RAB3C: variants seen among roughly 807,000 people sequenced by gnomAD.
RAB3C encodes the protein ras-related protein Rab-3C.
RAB3C carries 17 observed loss-of-function variants against 26.4 expected under a neutral mutation model. That is an observed-to-expected ratio of 0.64 (90% CI 0.44 to 0.97). The LOEUF (loss-of-function observed/expected upper bound fraction) is 0.97, where lower values mean the gene tolerates loss of function less well. RAB3C is among the 50% of genes least tolerant of loss of function. The probability of loss-of-function intolerance (pLI) is 0.00; values close to 1 mark genes in which losing one functional copy is unlikely to be tolerated. For missense variants in RAB3C, 242 were observed against 281.9 expected (o/e 0.86, Z 1.01); for synonymous variants, 91 against 95.9 (o/e 0.95, Z 0.30).
At chr5:58,825,450 G>A (rs889157274) in intron 4 of RAB3C, among the ~76,000 whole-genome samples, 2 of 152,096 alleles carry the variant, frequency 1.3e-5, no homozygotes, top group African/African-American at 4.8e-5. Context: ...TGCCTTGTCC[G>A]TTATTTTTGG....
rs538505460 is a variant in RAB3C, at chr5:58,695,644, T to G, written c.253-30358T>G. 2.0e-4 allele frequency among the ~76,000 whole-genome samples: 31 copies of G among 152,350 alleles called. No individual in the cohort carries two copies. The South Asian group carries it at 6.4e-3, about 32-fold the overall frequency. On this transcript the variant is annotated intron_variant, in intron 2 of 4. Coordinates refer to ENST00000282878, the MANE Select transcript of RAB3C (RefSeq NM_138453.4). ...TCCTTGAAGAGGTCCTTCACATCCC[T>G]TGTAAGTTGGATTCCTAGGTATTTT... is the stretch of plus-strand genomic sequence containing the variant.
chr5:58,812,699 A>G (rs570129675), intron 3 of RAB3C, among the ~76,000 whole-genome samples: 33 of 152,202 alleles, frequency 2.2e-4, no homozygotes, highest in Non-Finnish European at 4.1e-4. Flanking sequence ...TCTAATTAAA[A>G]GTTTCAAAAC....
chr5:58,642,979 G>A (rs1269405931), intron 2 of RAB3C, among the ~76,000 whole-genome samples: 1 of 152,186 alleles, frequency 6.6e-6, no homozygotes, highest in Non-Finnish European at 1.5e-5. Context: ...GAATTGAAAG[G>A]TAGAAAATCA....
At chr5:58,846,385 A>G (rs1281849910) in intron 4 of RAB3C, among the ~76,000 whole-genome samples, 1 of 152,026 alleles carries the variant, frequency 6.6e-6, no homozygotes, top group Non-Finnish European at 1.5e-5. Flanking sequence ...TGGAGTTCAG[A>G]AACTTTTAAG....
At chr5:58,664,843 C>T (rs1747972603) in intron 2 of RAB3C, among the ~76,000 whole-genome samples, 1 of 151,998 alleles carries the variant, frequency 6.6e-6, no homozygotes. Flanking sequence ...TCCTGACGTC[C>T]CTTCCCAGCT....
chr5:58,678,989 T>A (rs1175072276), intron 2 of RAB3C, among the ~76,000 whole-genome samples: 1 of 152,214 alleles, frequency 6.6e-6, no homozygotes, highest in East Asian at 1.9e-4. Context: ...GGCTAATATA[T>A]GTTTCCTGAG....
chr5:58,745,405 AAAAAAAAAAAAAAAG>A (rs1741380300), intron 3 of RAB3C, among the ~76,000 whole-genome samples: 1 of 150,526 alleles, frequency 6.6e-6, no homozygotes, highest in African/African-American at 2.4e-5. Flanking sequence ...AAAAAAAAAA[AAAAAAAAAAAAAAAG>A]AAAGTAGATG....
chr5:58,600,700 C>T (rs1385584465), intron 1 of RAB3C, among the ~76,000 whole-genome samples: 1 of 152,144 alleles, frequency 6.6e-6, no homozygotes, highest in Admixed American at 6.6e-5. Context: ...AATCTTTTAT[C>T]TGGAAACTTT....
At chr5:58,646,174 T>A (rs1444492343) in intron 2 of RAB3C, among the ~76,000 whole-genome samples, 1 of 152,114 alleles carries the variant, frequency 6.6e-6, no homozygotes, top group Admixed American at 6.5e-5. Context: ...CCCATCCTCA[T>A]CCCAAGGCTG....
At chr5:58,785,547 T>C (rs1579917272) in intron 3 of RAB3C, among the ~76,000 whole-genome samples, 1 of 152,316 alleles carries the variant, frequency 6.6e-6, no homozygotes, top group Non-Finnish European at 1.5e-5. Flanking sequence ...AAGATGCTGA[T>C]TCAGTAGGTA....
rs146302479 is a variant in RAB3C, at chr5:58,625,903, C to T, written c.252+8033C>T. Among the ~76,000 whole-genome samples, 1,031 of 151,240 alleles carry T rather than the reference C, an allele frequency of 6.8e-3. 3 individuals carry two copies. The highest frequency in any genetic ancestry group is 0.022 in the African/African-American group (917 of 41,188). On this transcript the variant is annotated intron_variant, in intron 2 of 4. Transcript: ENST00000282878. ...ATACCATAGTTTTGGTAACAGAGAA[C>T]GGCAGTTCTGTGTAACTGAAATTTC...
intron 2 of RAB3C, among the ~76,000 whole-genome samples, chr5:58,627,730 A>G (rs930509505): frequency 1.3e-5 from 2 of 152,242 alleles, no homozygotes; most frequent in African/African-American, 4.8e-5. Context: ...CAGCGAGATA[A>G]GAGATAGCAA....
chr5:58,678,061 T>A (rs1226648798), intron 2 of RAB3C, among the ~76,000 whole-genome samples: 1 of 151,096 alleles, frequency 6.6e-6, no homozygotes, highest in Non-Finnish European at 1.5e-5. Flanking sequence ...AGGAAAATAA[T>A]CCTAGGAACA....
Position 58,603,700 on chromosome 5 carries a change from C to T in RAB3C, c.25-13943C>T, listed in dbSNP as rs189496385. The stretch of plus-strand genomic sequence containing the variant: ...TAAGCTATTTCCTTGAATATTTCTC[C>T]CTTCACTTCTTGTATCATTTTTTGG... On this transcript the variant is annotated intron_variant, in intron 1 of 4. Transcript: ENST00000282878. Among the ~76,000 whole-genome samples the T allele has an allele frequency of 3.7e-3, 560 of 152,120 alleles. 4 individuals are homozygous for T. Among genetic ancestry groups the T allele is most frequent in the African/African-American group, 0.013 (526 of 41,492 alleles).
At position 58,855,318 on chromosome 5, in the gene RAB3C, G is replaced by A. The variant is rs1180987520; in HGVS notation, c.*3967G>A. The A allele has an allele frequency of 6.6e-6, 1 of 152,210 alleles. No individual in the cohort carries two copies. Among genetic ancestry groups the A allele is most frequent in the East Asian group, 1.9e-4 (1 of 5,202 alleles). 9.4% of individuals were successfully genotyped at this position (152,210 alleles called of 1,614,324 possible). A position where few individuals can be genotyped will look rare whatever the true frequency, so the allele number is the denominator to read the frequency against. ...CTTCTAGACCAAAAAGTTACTGTGT[G>A]TTTGTTAATAATCTTCATAGTACTA... On this transcript the variant is annotated 3_prime_UTR_variant, in exon 5 of 5. Coordinates refer to ENST00000282878, the MANE Select transcript of RAB3C (RefSeq NM_138453.4).
intron 1 of RAB3C, among the ~76,000 whole-genome samples, chr5:58,584,839 G>T (rs561274924): frequency 0.11 from 267 of 2,354 alleles, 1 homozygote; most frequent in East Asian, 0.032. Flanking sequence ...TATCAATTTT[G>T]CTTTCTTACA....
chr5:58,590,748 T>C (rs1350717535), intron 1 of RAB3C, among the ~76,000 whole-genome samples: 2 of 152,158 alleles, frequency 1.3e-5, no homozygotes, highest in African/African-American at 2.4e-5. Flanking sequence ...TTTCACCATG[T>C]TGGCCAGGCT....
intron 3 of RAB3C, among the ~76,000 whole-genome samples, chr5:58,824,397 T>A (rs1489034555): frequency 4.6e-5 from 7 of 152,188 alleles, no homozygotes; most frequent in Admixed American, 4.6e-4. Context: ...AAATATCCTG[T>A]TTATAGCAAC....
intron 2 of RAB3C, among the ~76,000 whole-genome samples, chr5:58,638,771 G>C (rs1341875282): frequency 6.6e-6 from 1 of 152,232 alleles, no homozygotes; most frequent in Non-Finnish European, 1.5e-5. Context: ...TCTTGAAGCA[G>C]TTGACATCAA....
Sources: gnomAD v4.1 joint callset for allele counts (sites outside exome capture counted in the v4.1 genomes callset) on GRCh38, gnomAD v4.1.1 for gene constraint, MANE v1.5 for transcripts, NCBI Gene and HGNC (gene_info 2026-07-23, HGNC 2026-07-21) for gene names.